The following NUF2 variants were observed in gnomAD, a reference collection of about 807,000 sequenced individuals.
NUF2 encodes the protein kinetochore protein Nuf2.
In NUF2, 34 loss-of-function variants were observed where a neutral mutation model predicts 61.8. The observed-to-expected ratio is 0.55, with a 90% CI of 0.42 to 0.73. The LOEUF (loss-of-function observed/expected upper bound fraction) is 0.73. NUF2 is among the 30% of genes least tolerant of loss of function. NUF2 has a pLI of 0.00. For missense variants in NUF2, 445 were observed against 539.1 expected, an observed-to-expected ratio of 0.83 and a Z score of 1.73; for synonymous variants, 172 against 181.6, an observed-to-expected ratio of 0.95 and a Z score of 0.42.
Position 163,340,509 on chromosome 1 carries a change from G to GTGGT in NUF2, c.669+83_669+84insTGGT, listed in dbSNP as rs1475333169. ...ATTTTAGCTGTGTGTGTTATTATGG[G>GTGGT]CAAATGTTTCTCCCTTTTTCCCTTC... On this transcript the variant is annotated intron_variant, in intron 9 of 13. Coordinates refer to ENST00000271452, the MANE Select transcript of NUF2 (RefSeq NM_145697.3). 8.8e-5 allele frequency: 79 copies of GTGGT among 900,882 alleles called. No homozygotes were observed. The Middle Eastern group carries it at 1.2e-3, about 14-fold the overall frequency. 55.8% of individuals were successfully genotyped at this position (900,882 alleles called of 1,614,324 possible). A position where few individuals can be genotyped will look rare whatever the true frequency, so the allele number is the denominator to read the frequency against.
At chr1:163,355,214 T>C (rs552312590) in intron 13 of NUF2, 121 bp from the exon 14 acceptor site, 2 of 707,930 alleles carry the variant, frequency 2.8e-6, no homozygotes, top group Non-Finnish European at 4.5e-6. Flanking sequence ...TTTGTGTGTG[T>C]GCATAAGAAT....
intron 9 of NUF2, among the ~76,000 whole-genome samples, chr1:163,342,528 G>A (rs1385213711): frequency 6.6e-6 from 1 of 152,096 alleles, no homozygotes; most frequent in Non-Finnish European, 1.5e-5. Context: ...CTAACATTCA[G>A]TTTTGGCGTC....
chr1:163,334,303 A>G (rs1230964042), intron 5 of NUF2, among the ~76,000 whole-genome samples: 1 of 152,186 alleles, frequency 6.6e-6, no homozygotes, highest in African/African-American at 2.4e-5. Context: ...TTTTGATATA[A>G]TGATTTCTTT....
At chr1:163,335,633 T>C (rs1161633571) in intron 5 of NUF2, among the ~76,000 whole-genome samples, 2 of 152,182 alleles carry the variant, frequency 1.3e-5, no homozygotes, top group African/African-American at 2.4e-5. Flanking sequence ...TTTACGTTTG[T>C]TCACTTTCTT....
intron 5 of NUF2, among the ~76,000 whole-genome samples, chr1:163,335,201 C>G (rs905448376): frequency 6.6e-6 from 1 of 152,066 alleles, no homozygotes; most frequent in African/African-American, 2.4e-5. Flanking sequence ...ATCCGCCCAC[C>G]TCGGCCTCCC....
chr1:163,343,660 G>C (rs938601058), intron 9 of NUF2, 73 bp from the exon 10 acceptor site: 2 of 703,108 alleles, frequency 2.8e-6, no homozygotes, highest in Non-Finnish European at 4.2e-6. Context: ...TAATTTCTTT[G>C]TTCTTTCCCA....
chr1:163,340,726 T>G (rs1196556880), intron 9 of NUF2, among the ~76,000 whole-genome samples: 1 of 152,168 alleles, frequency 6.6e-6, no homozygotes, highest in Admixed American at 6.5e-5. Context: ...GATATTAGGC[T>G]CAATACATCT....
chr1:163,334,733 C>T (rs1022391073), intron 5 of NUF2, among the ~76,000 whole-genome samples: 2 of 152,102 alleles, frequency 1.3e-5, no homozygotes, highest in Non-Finnish European at 1.5e-5. Flanking sequence ...GAGCTATGAT[C>T]GTGCCACTGC....
rs1032319480 is a variant in NUF2, at chr1:163,345,786, A to G, written c.916A>G (p.Asn306Asp). 2 of 1,608,002 alleles carry G rather than the reference A, an allele frequency of 1.2e-6. No homozygotes were observed. The highest frequency in any genetic ancestry group is 1.7e-6 in the Non-Finnish European group (2 of 1,175,888). The change falls in exon 11 of 14, where the codon AAT becomes GAT. Residue 306 changes from asparagine (N) to aspartate (D), a missense_variant. Coordinates refer to ENST00000271452, the MANE Select transcript of NUF2 (RefSeq NM_145697.3). ...YQKKIQDLSD[N>D]REKLASILKE... is the part of the protein sequence containing the mutation. ...AAAGAAAATACAGGACCTTTCAGAT[A>G]ATAGGGAAAAATTAGCCAGTATCTT... is the stretch of plus-strand genomic sequence containing the variant.
intron 5 of NUF2, among the ~76,000 whole-genome samples, chr1:163,334,801 A>G (rs915827097): frequency 6.6e-6 from 1 of 152,138 alleles, no homozygotes; most frequent in African/African-American, 2.4e-5. Context: ...AAGAAAGAAA[A>G]ATGGATAAAT....
At chr1:163,344,225 T>C (rs1331114014) in intron 10 of NUF2, among the ~76,000 whole-genome samples, 1 of 152,110 alleles carries the variant, frequency 6.6e-6, no homozygotes, top group Non-Finnish European at 1.5e-5. Flanking sequence ...TAACAAAGTA[T>C]AAGGTATGCA....
At chr1:163,325,895 T>C in intron 1 of NUF2, 137 bp from the exon 2 acceptor site, 2 of 535,606 alleles carry the variant, frequency 3.7e-6, no homozygotes. Context: ...TGTATTTATC[T>C]TACTAAGATA....
At chr1:163,354,976 T>C (rs1476302617) in intron 13 of NUF2, among the ~76,000 whole-genome samples, 1 of 152,104 alleles carries the variant, frequency 6.6e-6, no homozygotes, top group East Asian at 1.9e-4. Context: ...CAGGGTCAAA[T>C]GCAGAGAGTA....
At chr1:163,347,282 A>G (rs1279783736) in intron 11 of NUF2, among the ~76,000 whole-genome samples, 1 of 152,262 alleles carries the variant, frequency 6.6e-6, no homozygotes, top group Admixed American at 6.5e-5. Flanking sequence ...GATAACTAAC[A>G]TTACATTTGA....
intron 6 of NUF2, 40 bp downstream of exon 6, chr1:163,336,888 G>A (rs1343669272): frequency 5.0e-6 from 6 of 1,204,974 alleles, no homozygotes; most frequent in Non-Finnish European, 6.2e-6. Context: ...TGCCAGATCA[G>A]TAACATTATT....
chr1:163,327,488 C>T lies in NUF2; in HGVS notation c.124C>T (p.Pro42Ser). Residue 42 changes from proline to serine, a missense_variant and splice_region_variant, in exon 3 of 14, where the codon CCT becomes TCT. By Grantham distance (74) the Pro-to-Ser change is moderately conservative. Transcript: ENST00000271452. The stretch of plus-strand genomic sequence containing the variant: ...TATTCAAAGTTGTTTTTTGCTGTAG[C>T]CTGAAGTCTTGCACATGATCTACAT... ...TKNDLYPNPK[P>S]EVLHMIYMRA... 1.2e-6 allele frequency: 2 copies of T among 1,601,198 alleles called. No individual in the cohort carries two copies. The highest frequency in any genetic ancestry group is 1.7e-6 in the Non-Finnish European group (2 of 1,169,132).
In NUF2 at chr1:163,327,578, G is replaced by A; in HGVS notation, c.198+16G>A. The stretch of plus-strand genomic sequence containing the variant: ...TTTTTACATGGTGAGTTTAAGATGA[G>A]GCAAAATTATGGGGTTTTTTTTGTT... On this transcript the variant is annotated intron_variant, in intron 3 of 13. Coordinates refer to ENST00000271452, the MANE Select transcript of NUF2 (RefSeq NM_145697.3). 2 of 1,542,424 alleles carry A rather than the reference G, an allele frequency of 1.3e-6. No homozygotes were observed. Among genetic ancestry groups the A allele is most frequent in the Non-Finnish European group, 1.8e-6 (2 of 1,115,694 alleles).
intron 8 of NUF2, 116 bp from the exon 9 acceptor site, chr1:163,340,248 G>T: frequency 1.3e-6 from 1 of 751,546 alleles, no homozygotes; most frequent in Non-Finnish European, 2.2e-6. Flanking sequence ...AAAGTTTGAA[G>T]AATATCTGAT....
At chr1:163,343,647 A>G in intron 9 of NUF2, 86 bp from the exon 10 acceptor site, 1 of 571,410 alleles carries the variant, frequency 1.8e-6, no homozygotes, top group African/African-American at 2.0e-5. Context: ...GAGAACATGG[A>G]CCTAATTTCT....
Sources: allele counts gnomAD v4.1 joint callset (sites outside exome capture counted in the v4.1 genomes callset), GRCh38; gene constraint gnomAD v4.1.1; transcripts MANE v1.5; gene names NCBI Gene and HGNC (gene_info 2026-07-23, HGNC 2026-07-21).